Variants in HS6ST2 observed in about 807,000 individuals in gnomAD.
HS6ST2 encodes the protein heparan-sulfate 6-O-sulfotransferase 2.
HS6ST2 carries 17 observed loss-of-function variants against 33.0 expected under a neutral mutation model. The ratio of observed to expected loss-of-function variants is 0.52; its 90% confidence interval spans 0.35 to 0.77. The LOEUF (loss-of-function observed/expected upper bound fraction) is 0.77. Among genes scored for constraint, HS6ST2 ranks in the 30% least tolerant of loss-of-function variants. HS6ST2 has a pLI of 0.01. For missense variants in HS6ST2, 519 were observed against 551.7 expected, an observed-to-expected ratio of 0.94 and a Z score of 0.59; for synonymous variants, 248 against 237.1, an observed-to-expected ratio of 1.05 and a Z score of -0.42.
intron 2 of HS6ST2, among the ~76,000 whole-genome samples, chrX:132,883,087 CTT>C (rs569409601): frequency 1.9e-5 from 2 of 107,712 alleles, no homozygotes; most frequent in African/African-American, 6.8e-5. Flanking sequence ...CTAAAATTCT[CTT>C]TTTTTTTGTT....
At chrX:132,823,090 A>T (rs2065475726) in intron 2 of HS6ST2, among the ~76,000 whole-genome samples, 1 of 112,348 alleles carries the variant, frequency 8.9e-6, no homozygotes, top group African/African-American at 3.2e-5. Flanking sequence ...TTGATAAAAA[A>T]GTTTGAAAGC....
intron 2 of HS6ST2, among the ~76,000 whole-genome samples, chrX:132,776,805 T>C (rs1341582857): frequency 9.0e-6 from 1 of 111,132 alleles, no homozygotes; most frequent in Non-Finnish European, 1.9e-5. Flanking sequence ...CTTAGAACCA[T>C]AGCACATGCA....
intron 2 of HS6ST2, among the ~76,000 whole-genome samples, chrX:132,737,073 C>T (rs1353806071): frequency 9.0e-6 from 1 of 111,639 alleles, no homozygotes; most frequent in East Asian, 2.8e-4. Context: ...CTGAGCTCAT[C>T]TGACTTAACG....
chrX:132,855,154 A>T (rs1460189441), intron 2 of HS6ST2, among the ~76,000 whole-genome samples: 1 of 112,204 alleles, frequency 8.9e-6, no homozygotes, highest in Non-Finnish European at 1.9e-5. Flanking sequence ...GTGAACCTTC[A>T]GCAAGAACCT....
chrX:132,824,111 G>A (rs765314588), intron 2 of HS6ST2, among the ~76,000 whole-genome samples: 2 of 110,809 alleles, frequency 1.8e-5, no homozygotes, highest in Admixed American at 1.9e-4. Flanking sequence ...CCAATCTATT[G>A]ATGCAATACA....
chrX:132,926,208 AAG>A (rs755692359), intron 2 of HS6ST2, among the ~76,000 whole-genome samples: 1 of 112,915 alleles, frequency 8.9e-6, no homozygotes, highest in Non-Finnish European at 1.9e-5. Flanking sequence ...ATAGAAAAGA[AAG>A]AGAGGAAAAA....
chrX:132,684,242 TAC>T (rs1295828472), intron 3 of HS6ST2, among the ~76,000 whole-genome samples: 109 of 102,129 alleles, frequency 1.1e-3, no homozygotes, highest in African/African-American at 2.4e-3. Flanking sequence ...TATATATATA[TAC>T]ACACACACAT....
chrX:132,665,076 A>AT (rs2063799708), intron 4 of HS6ST2, among the ~76,000 whole-genome samples: 1 of 112,149 alleles, frequency 8.9e-6, no homozygotes, highest in Non-Finnish European at 1.9e-5. Context: ...AGATACCATT[A>AT]TTTTAGAAGA....
intron 4 of HS6ST2, among the ~76,000 whole-genome samples, chrX:132,665,884 G>T (rs1176133541): frequency 9.0e-6 from 1 of 110,948 alleles, no homozygotes; most frequent in Non-Finnish European, 1.9e-5. Flanking sequence ...GTTCCTCCCT[G>T]AAACAGAGGG....
At chrX:132,708,535 G>A (rs775548572) in intron 2 of HS6ST2, 41 bp from the exon 3 acceptor site, 9 of 1,093,238 alleles carry the variant, frequency 8.2e-6, no homozygotes, top group Admixed American at 2.5e-5. Context: ...GCAAGAGCTT[G>A]GTAGGAGAGG....
At chrX:132,839,622 A>G (rs1187462197) in intron 2 of HS6ST2, among the ~76,000 whole-genome samples, 1 of 110,280 alleles carries the variant, frequency 9.1e-6, no homozygotes, top group Non-Finnish European at 1.9e-5. Flanking sequence ...TGATGATTAC[A>G]CTAAAAGCCT....
intron 2 of HS6ST2, among the ~76,000 whole-genome samples, chrX:132,807,073 C>T (rs764346933): frequency 4.5e-5 from 5 of 110,030 alleles, no homozygotes; most frequent in East Asian, 5.7e-4. Flanking sequence ...AAAGTATTTG[C>T]GGTTACTTTT....
At chrX:132,787,167 GTA>G (rs751338482) in intron 2 of HS6ST2, among the ~76,000 whole-genome samples, 928 of 51,331 alleles carry the variant, frequency 0.018, 21 homozygotes, top group Middle Eastern at 0.035. Flanking sequence ...ATATATATAT[GTA>G]TATATATATA....
At chrX:132,678,841 T>C (rs2063944635) in intron 3 of HS6ST2, among the ~76,000 whole-genome samples, 1 of 112,407 alleles carries the variant, frequency 8.9e-6, no homozygotes, top group Non-Finnish European at 1.9e-5. Context: ...CTAATCACTG[T>C]TAAACGCTAA....
chrX:132,921,355 T>C (rs1437535733), intron 2 of HS6ST2, among the ~76,000 whole-genome samples: 1 of 112,185 alleles, frequency 8.9e-6, no homozygotes, highest in Non-Finnish European at 1.9e-5. Context: ...ATGTGCATAG[T>C]TAAGTTTGAA....
At chrX:132,844,640 T>A (rs920591745) in intron 2 of HS6ST2, among the ~76,000 whole-genome samples, 2 of 111,103 alleles carry the variant, frequency 1.8e-5, no homozygotes, top group South Asian at 7.8e-4. Context: ...TTTACTTTTC[T>A]GGCCCCCTCC....
At chrX:132,759,771 G>GCAA (rs775666445) in intron 2 of HS6ST2, among the ~76,000 whole-genome samples, 8 of 111,707 alleles carry the variant, frequency 7.2e-5, no homozygotes, top group South Asian at 3.8e-4. Flanking sequence ...ATCTTCAACA[G>GCAA]CAACAACAAC....
At chrX:132,668,815 C>A (rs2063831914) in intron 4 of HS6ST2, among the ~76,000 whole-genome samples, 1 of 111,289 alleles carries the variant, frequency 9.0e-6, no homozygotes, top group South Asian at 3.9e-4. Context: ...TAATCCAACT[C>A]TTACATTGCC....
intron 2 of HS6ST2, among the ~76,000 whole-genome samples, chrX:132,819,989 C>T (rs2065435617): frequency 8.9e-6 from 1 of 112,244 alleles, no homozygotes; most frequent in African/African-American, 3.2e-5. Context: ...TCCCACTTCA[C>T]GGGGGTGGGG....
Sources: allele counts gnomAD v4.1 joint callset (sites outside exome capture counted in the v4.1 genomes callset), GRCh38; gene constraint gnomAD v4.1.1; transcripts MANE v1.5; gene names NCBI Gene and HGNC (gene_info 2026-07-23, HGNC 2026-07-21).